FREM1: variants seen among roughly 807,000 people sequenced by gnomAD.
FREM1 encodes the protein FRAS1 related extracellular matrix 1.
In FREM1, 220 loss-of-function variants were observed where a neutral mutation model predicts 210.1. The observed-to-expected ratio is 1.05, with a 90% CI of 0.94 to 1.17. FREM1 has a LOEUF of 1.17. FREM1 is among the 50% of genes most tolerant of loss of function. The pLI is 0.00. For synonymous variants in FREM1, 1,189 were observed against 980.2 expected (o/e 1.21, Z -3.98); for missense variants, 3,454 against 2,675.5 (o/e 1.29, Z -6.42).
chr9:14,758,153 A>G (rs139942047), intron 28 of FREM1, among the ~76,000 whole-genome samples: 1,689 of 152,274 alleles, frequency 0.011, 36 homozygotes, highest in African/African-American at 0.039. Flanking sequence ...TCAAGCAGCC[A>G]AGCTCTAGTG....
intron 1 of FREM1, among the ~76,000 whole-genome samples, chr9:14,874,814 C>T (rs1230877980): frequency 1.3e-5 from 2 of 152,084 alleles, no homozygotes; most frequent in Non-Finnish European, 2.9e-5. Flanking sequence ...ACCGGTTGTT[C>T]CTTTCCATAT....
intron 29 of FREM1, among the ~76,000 whole-genome samples, chr9:14,752,028 C>T (rs72709538): frequency 0.067 from 10,068 of 149,772 alleles, 451 homozygotes; most frequent in South Asian, 0.15. Flanking sequence ...CCATACAATT[C>T]CCATCTCATG....
At chr9:14,872,147 G>A (rs1407131235) in intron 1 of FREM1, among the ~76,000 whole-genome samples, 2 of 152,162 alleles carry the variant, frequency 1.3e-5, no homozygotes, top group African/African-American at 4.8e-5. Flanking sequence ...ACTTGGCAAT[G>A]CGGGCTCTTT....
chr9:14,750,053 C>T (rs1204961524), intron 30 of FREM1, 74 bp downstream of exon 30: 6 of 1,454,960 alleles, frequency 4.1e-6, no homozygotes, highest in African/African-American at 1.4e-5. Flanking sequence ...TGTTATCAAG[C>T]ACGTTGGCTG....
Position 14,747,278 on chromosome 9 carries a change from G to T in FREM1, c.5995C>A (p.His1999Asn). ...ADKVESTTDSHFPRQDQLPSF... is the reference protein window; with the variant it reads ...ADKVESTTDSNFPRQDQLPSF... ...GATTTTCATACCTGTCTGGGGAAGT[G>T]TGAGTCAGTTGTGGATTCCACCTTA... is the stretch of plus-strand genomic sequence containing the variant. Residue 1999 changes from histidine (H) to asparagine (N), a missense_variant, in exon 33 of 37, where the codon CAC (histidine) becomes AAC (asparagine). Physicochemically the swap from His to Asn is moderately conservative, Grantham distance 68 (BLOSUM62 1). Transcript: ENST00000380880. The T allele has an allele frequency of 6.2e-7, 1 of 1,612,550 alleles. No homozygotes were observed. The highest frequency in any genetic ancestry group is 1.7e-4 in the Middle Eastern group (1 of 6,054).
intron 10 of FREM1, among the ~76,000 whole-genome samples, chr9:14,835,835 G>A (rs1270681849): frequency 6.6e-6 from 1 of 152,202 alleles, no homozygotes; most frequent in African/African-American, 2.4e-5. Flanking sequence ...AGTGAAGACT[G>A]AAGAGAAAAA....
At chr9:14,794,037 T>G (rs1305077088) in intron 21 of FREM1, among the ~76,000 whole-genome samples, 4 of 152,078 alleles carry the variant, frequency 2.6e-5, no homozygotes, top group African/African-American at 7.2e-5. Flanking sequence ...GATGAAGAGT[T>G]TGGTAGGAAG....
At chr9:14,855,448 G>T (rs940553250) in intron 5 of FREM1, among the ~76,000 whole-genome samples, 1 of 152,072 alleles carries the variant, frequency 6.6e-6, no homozygotes, top group Non-Finnish European at 1.5e-5. Flanking sequence ...GAAATTATGA[G>T]TGAAGGATCA....
chr9:14,893,504 T>C (rs1019640318), intron 1 of FREM1, among the ~76,000 whole-genome samples: 2 of 152,232 alleles, frequency 1.3e-5, no homozygotes, highest in Admixed American at 6.5e-5. Context: ...AATTCCTGGA[T>C]CAGGAAATGA....
At chr9:14,800,958 G>C (rs555235890) in intron 20 of FREM1, among the ~76,000 whole-genome samples, 17 of 152,192 alleles carry the variant, frequency 1.1e-4, no homozygotes, top group African/African-American at 3.9e-4. Flanking sequence ...GTGTTTTGAT[G>C]CATGTATACA....
chr9:14,797,788 T>C (rs564002054), intron 20 of FREM1, 146 bp from the exon 21 acceptor site: 1 of 564,666 alleles, frequency 1.8e-6, no homozygotes, highest in South Asian at 3.7e-5. Context: ...ACTTGTTTTA[T>C]GAAGTAAAAG....
intron 1 of FREM1, among the ~76,000 whole-genome samples, chr9:14,887,035 T>G (rs1171497857): frequency 1.3e-5 from 2 of 152,176 alleles, no homozygotes; most frequent in African/African-American, 4.8e-5. Context: ...CATAAACTTT[T>G]AGGTGAATAT....
At chr9:14,765,055 G>C (rs75373678) in intron 27 of FREM1, among the ~76,000 whole-genome samples, 6,813 of 152,200 alleles carry the variant, frequency 0.045, 327 homozygotes, top group African/African-American at 0.12. Flanking sequence ...TCAGCAAAAG[G>C]TTTACAGAAG....
intron 28 of FREM1, 75 bp from the exon 29 acceptor site, chr9:14,756,521 T>C: frequency 4.9e-6 from 5 of 1,030,484 alleles, no homozygotes; most frequent in South Asian, 1.5e-5. Context: ...TTCTCCCTCA[T>C]ACTGGACTAA....
At chr9:14,790,706 T>G (rs2133018347) in intron 22 of FREM1, 1 of 152,258 alleles carries the variant, frequency 6.6e-6, no homozygotes. Flanking sequence ...ACGATAACTC[T>G]TGGGAGAGTC....
At chr9:14,777,755 G>A (rs957770703) in intron 24 of FREM1, among the ~76,000 whole-genome samples, 5 of 152,002 alleles carry the variant, frequency 3.3e-5, no homozygotes, top group Non-Finnish European at 7.4e-5. Flanking sequence ...TGTCCTTCAG[G>A]GTTTGAGCAT....
At chr9:14,826,127 C>G (rs554605951) in intron 10 of FREM1, among the ~76,000 whole-genome samples, 47 of 144,332 alleles carry the variant, frequency 3.3e-4, no homozygotes, top group Non-Finnish European at 5.2e-4. Context: ...GAGTCTCACA[C>G]TGTCACACAG....
intron 1 of FREM1, among the ~76,000 whole-genome samples, chr9:14,891,459 G>A (rs1236961043): frequency 6.6e-6 from 1 of 152,200 alleles, no homozygotes; most frequent in African/African-American, 2.4e-5. Context: ...AAGCACAGGG[G>A]AACATGTCTG....
chr9:14,765,591 G>A lies in FREM1; in HGVS notation c.5204+4133C>T, dbSNP rs575220673. Among the ~76,000 whole-genome samples the A allele has an allele frequency of 3.3e-5, 5 of 152,294 alleles. No homozygotes were observed. The South Asian group carries it at 1.0e-3, about 32-fold the overall frequency. On this transcript the variant is annotated intron_variant, in intron 27 of 36. Transcript: ENST00000380880. ...AGACAAAAACCTTAACTCCTGGCTT[G>A]CAGGTAATGTGCAGGTATTAGCTAG...
Sources: gnomAD v4.1 joint callset for allele counts (sites outside exome capture counted in the v4.1 genomes callset) on GRCh38, gnomAD v4.1.1 for gene constraint, MANE v1.5 for transcripts, NCBI Gene and HGNC (gene_info 2026-07-23, HGNC 2026-07-21) for gene names.